KIAA1217: variants seen among roughly 807,000 people sequenced by gnomAD.
The protein encoded by KIAA1217 is sickle tail protein homolog.
Under a neutral mutation model 163.9 loss-of-function variants are expected in KIAA1217, and 88 were observed. The ratio of observed to expected loss-of-function variants is 0.54; its 90% CI spans 0.45 to 0.64. The LOEUF is 0.64. Among genes scored for constraint, KIAA1217 ranks in the 30% least tolerant of loss-of-function variants. The pLI, the probability that KIAA1217 is intolerant of heterozygous loss-of-function variation, is 0.00. For missense variants in KIAA1217, 2,372 were observed against 2,475.0 expected (o/e 0.96, Z 0.88); for synonymous variants, 903 against 923.1 (o/e 0.98, Z 0.39).
chr10:24,300,118 C>G (rs1244788267), intron 2 of KIAA1217, among the ~76,000 whole-genome samples: 1 of 152,204 alleles, frequency 6.6e-6, no homozygotes, highest in Admixed American at 6.5e-5. Flanking sequence ...TTACCAGTTA[C>G]TCACCTTCCT....
intron 1 of KIAA1217, among the ~76,000 whole-genome samples, chr10:23,768,580 T>A (rs1834650190): frequency 6.6e-6 from 1 of 152,232 alleles, no homozygotes; most frequent in Non-Finnish European, 1.5e-5. Context: ...AACAAAGGTA[T>A]ATTCGTGAAC....
chr10:23,982,678 C>T (rs1306709360), intron 1 of KIAA1217, among the ~76,000 whole-genome samples: 1 of 151,672 alleles, frequency 6.6e-6, no homozygotes, highest in African/African-American at 2.4e-5. Context: ...AGTCTCCTGC[C>T]TTAGCCTCCC....
rs1247570802 is a variant in KIAA1217 at position 24,546,417 on chromosome 10, C to G, written c.*93C>G. ...TTTCACAAGAGAATGTAACATATTG[C>G]TGTATCGTTTGAGGCTTAATGCTAA... is the stretch of plus-strand genomic sequence containing the variant. On this transcript the variant is annotated 3_prime_UTR_variant, in exon 21 of 21. Coordinates refer to ENST00000376454, the MANE Select transcript of KIAA1217 (RefSeq NM_019590.5). 3.1e-6 allele frequency: 4 copies of G among 1,273,366 alleles called. No individual in the cohort carries two copies. Among genetic ancestry groups the G allele is most frequent in the African/African-American group, 1.5e-5 (1 of 66,676 alleles). 78.9% of individuals were successfully genotyped at this position (1,273,366 alleles called of 1,614,324 possible).
At chr10:24,178,998 G>C (rs763433925) in intron 2 of KIAA1217, among the ~76,000 whole-genome samples, 1 of 152,102 alleles carries the variant, frequency 6.6e-6, no homozygotes, top group Non-Finnish European at 1.5e-5. Flanking sequence ...AAAAATAACT[G>C]TTTCTTTACC....
At chr10:24,521,675 C>A in intron 11 of KIAA1217, 107 bp from the exon 12 acceptor site, 1 of 1,346,482 alleles carries the variant, frequency 7.4e-7, no homozygotes, top group Non-Finnish European at 1.0e-6. Context: ...GTGAGCCACC[C>A]TGTGGCTTGT....
intron 6 of KIAA1217, chr10:24,482,908 T>G (rs924980862): frequency 1.3e-5 from 2 of 151,020 alleles, no homozygotes; most frequent in African/African-American, 4.9e-5. Context: ...TAGCCCTAGG[T>G]GCTCAGGAGG....
At chr10:24,545,591 A>C in intron 20 of KIAA1217, 1 of 1,367,182 alleles carries the variant, frequency 7.3e-7, no homozygotes. Context: ...GAATGATGGG[A>C]CTCCTCTCAC....
intron 1 of KIAA1217, among the ~76,000 whole-genome samples, chr10:23,797,094 G>A (rs755329337): frequency 4.6e-5 from 7 of 152,066 alleles, no homozygotes; most frequent in East Asian, 1.9e-4. Context: ...GGCCTCAAGC[G>A]ATCCCCCTGC....
chr10:23,927,470 G>A (rs1317226310), intron 1 of KIAA1217, among the ~76,000 whole-genome samples: 1 of 152,062 alleles, frequency 6.6e-6, no homozygotes, highest in African/African-American at 2.4e-5. Flanking sequence ...CACAAAACTA[G>A]TAGTAAATCA....
chr10:24,132,764 C>T (rs1357148956), intron 2 of KIAA1217, among the ~76,000 whole-genome samples: 4 of 152,094 alleles, frequency 2.6e-5, no homozygotes, highest in African/African-American at 4.8e-5. Flanking sequence ...GAGAGGATTT[C>T]GTGAGGATAA....
intron 3 of KIAA1217, among the ~76,000 whole-genome samples, chr10:24,398,559 C>G (rs2056127683): frequency 6.6e-6 from 1 of 152,100 alleles, no homozygotes; most frequent in Non-Finnish European, 1.5e-5. Flanking sequence ...AGCTTTAGAA[C>G]AGGAAAGAAA....
chr10:23,896,650 G>C (rs113891350), intron 1 of KIAA1217, among the ~76,000 whole-genome samples: 3,050 of 152,140 alleles, frequency 0.02, 107 homozygotes, highest in African/African-American at 0.067. Flanking sequence ...ACTGCAGCCA[G>C]TTATTTTGAA....
At chr10:23,713,769 A>G (rs1837400995) in intron 1 of KIAA1217, among the ~76,000 whole-genome samples, 1 of 152,158 alleles carries the variant, frequency 6.6e-6, no homozygotes, top group African/African-American at 2.4e-5. Context: ...GGAGTTGAAG[A>G]CATCCTAAAA....
chr10:23,766,361 C>T (rs1026419953), intron 1 of KIAA1217, among the ~76,000 whole-genome samples: 1 of 152,118 alleles, frequency 6.6e-6, no homozygotes, highest in Non-Finnish European at 1.5e-5. Context: ...TCAAGTTTGT[C>T]GTTATATGAT....
chr10:24,536,924 G>T, intron 17 of KIAA1217, 31 bp downstream of exon 17: 7 of 1,611,280 alleles, frequency 4.3e-6, no homozygotes, highest in Non-Finnish European at 5.9e-6. Flanking sequence ...TTGCCACACG[G>T]TTGGGAGTCC....
chr10:24,492,816 G>T (rs2066313240), intron 6 of KIAA1217, among the ~76,000 whole-genome samples: 1 of 90,676 alleles, frequency 1.1e-5, no homozygotes, highest in Admixed American at 1.1e-4. Flanking sequence ...AGCTTAATCA[G>T]TTGGCTTTTT....
intron 2 of KIAA1217, among the ~76,000 whole-genome samples, chr10:24,062,442 T>C (rs2060764144): frequency 6.6e-6 from 1 of 151,726 alleles, no homozygotes; most frequent in Admixed American, 6.6e-5. Context: ...TCCAGCTTCA[T>C]CCATGTCCCT....
chr10:24,440,340 T>G (rs1207341815), intron 5 of KIAA1217, among the ~76,000 whole-genome samples: 1 of 152,236 alleles, frequency 6.6e-6, no homozygotes, highest in African/African-American at 2.4e-5. Flanking sequence ...GAGACATTCA[T>G]CAATGTCTTC....
At chr10:24,398,609 A>T (rs1280872221) in intron 3 of KIAA1217, among the ~76,000 whole-genome samples, 4 of 152,148 alleles carry the variant, frequency 2.6e-5, no homozygotes, top group Non-Finnish European at 5.9e-5. Context: ...GGCACCTTGG[A>T]GCTCAAGTGT....
Sources: gnomAD v4.1 joint callset for allele counts (sites outside exome capture counted in the v4.1 genomes callset) on GRCh38, gnomAD v4.1.1 for gene constraint, MANE v1.5 for transcripts, NCBI Gene and HGNC (gene_info 2026-07-23, HGNC 2026-07-21) for gene names.